The following COPS5 variants were observed in gnomAD, a reference collection of about 807,000 sequenced individuals.
COPS5 encodes the protein COP9 signalosome subunit 5.
Under a neutral mutation model 44.4 loss-of-function variants are expected in COPS5, and 8 were observed. The observed-to-expected ratio is 0.18, with a 90% confidence interval of 0.11 to 0.32. The LOEUF (loss-of-function observed/expected upper bound fraction) is 0.32, where lower values mean the gene tolerates loss of function less well. Among genes scored for constraint, COPS5 ranks in the 10% least tolerant of loss-of-function variants. The pLI, the probability that COPS5 is intolerant of heterozygous loss-of-function variation, is 1.00. For synonymous variants in COPS5, 122 were observed against 142.8 expected, an observed-to-expected ratio of 0.85 and a Z score of 1.04; for missense variants, 159 against 406.4, an observed-to-expected ratio of 0.39 and a Z score of 5.23.
At chr8:67,058,296 T>C (rs1804540142) in intron 2 of COPS5, 85 bp from the exon 3 acceptor site, 1 of 1,345,822 alleles carries the variant, frequency 7.4e-7, no homozygotes, top group Admixed American at 2.1e-5. Context: ...ACCAGTCTCC[T>C]TCCCATCTCC....
intron 4 of COPS5, among the ~76,000 whole-genome samples, chr8:67,056,824 TC>T (rs1228844468): frequency 3.3e-5 from 5 of 151,134 alleles, no homozygotes; most frequent in East Asian, 3.9e-4. Flanking sequence ...GTTTCTACTT[TC>T]CCCCCACCCA....
chr8:67,045,670 A>C lies in COPS5; in HGVS notation c.920+142T>G, dbSNP rs572038856. ...TAAAACTTGTGTCTGACAACTCCTAAAGTTTCCAAGAAGTTAATATTCAGG... is the reference window on the plus strand; with the variant it reads ...TAAAACTTGTGTCTGACAACTCCTACAGTTTCCAAGAAGTTAATATTCAGG... On this transcript the variant is annotated intron_variant, in intron 7 of 7. Transcript: ENST00000357849. 30 of 828,624 alleles carry C rather than the reference A, an allele frequency of 3.6e-5. No individual in the cohort carries two copies. The East Asian group carries it at 7.1e-4, about 20-fold the overall frequency. The allele number at this position is 828,624 out of a possible 1,614,324, so 51.3% of individuals were successfully genotyped here.
intron 1 of COPS5, chr8:67,060,137 C>G (rs1393670613): frequency 5.4e-6 from 1 of 184,338 alleles, no homozygotes; most frequent in African/African-American, 2.4e-5. Context: ...TAAAAAGTAG[C>G]CCTAATATCC....
rs559406207 is a variant in COPS5, at chr8:67,050,127, G to A, written c.771+1103C>T. 9.1e-4 allele frequency among the ~76,000 whole-genome samples: 138 copies of A among 151,128 alleles called. 3 individuals carry two copies. In the South Asian group the frequency reaches 0.026, roughly 29 times the overall value. ...TGCCATTCTCCTGCCTCAGCCTCCC[G>A]CGCAGCTGGGACTACAGGCGCCCAC... On this transcript the variant is annotated intron_variant, in intron 6 of 7. Coordinates refer to ENST00000357849, the MANE Select transcript of COPS5 (RefSeq NM_006837.3).
At chr8:67,058,047 T>C (rs762228475) in intron 3 of COPS5, 36 bp downstream of exon 3, 3 of 1,607,260 alleles carry the variant, frequency 1.9e-6, no homozygotes, top group Middle Eastern at 3.3e-4. Flanking sequence ...CAAATCTTCA[T>C]AAAGAACTTA....
chr8:67,057,406 G>T lies in COPS5; in HGVS notation c.547C>A (p.Leu183Ile). The stretch of plus-strand genomic sequence containing the variant: ...TTTGGGTATGTCCTAAAGGCGCCAA[G>T]ATTCACTTTCCCTGCGGATATTGTT... ...TRTISAGKVN[L>I]GAFRTYPKGY... Residue 183 changes from leucine (L) to isoleucine (I), a missense_variant, in exon 4 of 8, where the codon CTT becomes ATT. This residue lies in a region of COPS5 where 134 missense variants were observed against 376.7 expected (regional missense o/e 0.36). Transcript: ENST00000357849. 6.2e-7 allele frequency: 1 copy of T among 1,609,732 alleles called. No homozygotes were observed. The highest frequency in any genetic ancestry group is 1.1e-5 in the South Asian group (1 of 90,468).
chr8:67,055,215 G>C (rs1250373191), intron 5 of COPS5, among the ~76,000 whole-genome samples: 1 of 152,240 alleles, frequency 6.6e-6, no homozygotes, highest in Non-Finnish European at 1.5e-5. Flanking sequence ...TAGGACATGA[G>C]CTCACAGAGG....
Position 67,059,321 on chromosome 8 carries a change from T to C in COPS5, c.268A>G (p.Met90Val). ...LMLGKVDGET[M>V]IIMDSFALPV... ...AAAGCAAAACTGTCCATAATGATCA[T>C]GGTTTCACCATCCACCTTTCCTAGC... The change falls in exon 2 of 8, where the codon ATG (methionine) becomes GTG (valine). Residue 90 changes from methionine (M) to valine (V), a missense_variant. Coordinates refer to ENST00000357849, the MANE Select transcript of COPS5 (RefSeq NM_006837.3). 6.2e-7 allele frequency: 1 copy of C among 1,614,234 alleles called. No individual in the cohort carries two copies. The highest frequency in any genetic ancestry group is 8.5e-7 in the Non-Finnish European group (1 of 1,180,042).
At chr8:67,060,555 A>G (rs1167472064) in intron 1 of COPS5, 2 of 1,257,176 alleles carry the variant, frequency 1.6e-6, no homozygotes, top group Non-Finnish European at 2.1e-6. Flanking sequence ...ACTGGAGAAA[A>G]GAAGAAAGAC....
At chr8:67,054,573 A>G (rs1804469917) in intron 5 of COPS5, among the ~76,000 whole-genome samples, 1 of 152,218 alleles carries the variant, frequency 6.6e-6, no homozygotes, top group African/African-American at 2.4e-5. Context: ...ACCAAAAAAA[A>G]GGAAGAAAAG....
intron 6 of COPS5, among the ~76,000 whole-genome samples, chr8:67,050,766 AG>A (rs1443689613): frequency 1.8e-4 from 24 of 130,870 alleles, no homozygotes; most frequent in Admixed American, 1.7e-3. Context: ...GCTAAGAGAA[AG>A]AAAAAAAAAA....
In COPS5 at chr8:67,050,614, A is replaced by AGTGTGTGTGT. The variant is rs5892073; in HGVS notation, c.771+606_771+615dup. On this transcript the variant is annotated intron_variant, in intron 6 of 7. Coordinates refer to ENST00000357849, the MANE Select transcript of COPS5 (RefSeq NM_006837.3). Reference sequence around the variant, plus strand: ...TGACCTGGAAATATGTGAGTGTGAGAGTGTGTGTGTGTGTGTGTGTGTGTG... The same window carrying AGTGTGTGTGT: ...TGACCTGGAAATATGTGAGTGTGAGAGTGTGTGTGTGTGTGTGTGTGTGTGTGTGTGTGTG... 8.5e-3 allele frequency among the ~76,000 whole-genome samples: 1,196 copies of AGTGTGTGTGT among 141,138 alleles called. 23 individuals carry two copies. The highest frequency in any genetic ancestry group is 0.03 in the African/African-American group (1,148 of 38,214). The allele number at this position is 141,138 out of a possible 152,430, so 92.6% of individuals were successfully genotyped here. A position where few individuals can be genotyped will look rare whatever the true frequency, so the allele number is the denominator to read the frequency against.
chr8:67,057,575 C>CA (rs1804531963), intron 3 of COPS5, 130 bp from the exon 4 acceptor site: 1 of 497,714 alleles, frequency 2.0e-6, no homozygotes, highest in Non-Finnish European at 3.4e-6. Context: ...AAGAATAAAC[C>CA]AAAAAACCAT....
At chr8:67,047,298 T>C (rs1306567293) in intron 6 of COPS5, among the ~76,000 whole-genome samples, 1 of 152,212 alleles carries the variant, frequency 6.6e-6, no homozygotes, top group Non-Finnish European at 1.5e-5. Context: ...GTTCTTCCAA[T>C]GATTTTTACA....
chr8:67,050,614 A>AGTGTGTGT (rs5892073), intron 6 of COPS5, among the ~76,000 whole-genome samples: 2,916 of 141,114 alleles, frequency 0.021, 134 homozygotes, highest in African/African-American at 0.071. Context: ...TGAGTGTGAG[A>AGTGTGTGT]GTGTGTGTGT....
chr8:67,058,335 C>G, intron 2 of COPS5, 124 bp from the exon 3 acceptor site: 1 of 890,844 alleles, frequency 1.1e-6, no homozygotes, highest in Non-Finnish European at 1.7e-6. Flanking sequence ...TTTTCTCAGC[C>G]CAGATGCGAA....
At chr8:67,045,574 C>T (rs879325980) in intron 7 of COPS5, 16 of 495,736 alleles carry the variant, frequency 3.2e-5, no homozygotes, top group African/African-American at 1.5e-4. Context: ...GGGAGTGTTC[C>T]GTAACACTGC....
rs866725884 is a variant in COPS5, at chr8:67,061,951, C to T, written c.46G>A (p.Ala16Thr). 8 of 1,614,122 alleles carry T rather than the reference C, an allele frequency of 5.0e-6. No homozygotes were observed. The highest frequency in any genetic ancestry group is 6.8e-6 in the Non-Finnish European group (8 of 1,180,056). ...CTCTGAGCTTCCTGCATGTTGTTGG[C>T]CAGTTCCCAGGTTTTCTGGGCCATA... ...SGMAQKTWEL[A>T]NNMQEAQSID... Residue 16 changes from alanine (A) to threonine (T), a missense_variant, in exon 1 of 8, where the codon GCC becomes ACC. Transcript: ENST00000357849.
intron 1 of COPS5, 83 bp downstream of exon 1, chr8:67,061,771 C>CAA: frequency 7.2e-7 from 1 of 1,392,170 alleles, no homozygotes; most frequent in Non-Finnish European, 1.0e-6. Flanking sequence ...AAGCTCTTCA[C>CAA]CCCTTTCACC....
Sources: gnomAD v4.1 joint callset for allele counts (sites outside exome capture counted in the v4.1 genomes callset) on GRCh38, gnomAD v4.1.1 for gene constraint, gnomAD v4.1.1 regional missense constraint, MANE v1.5 for transcripts, NCBI Gene and HGNC (gene_info 2026-07-23, HGNC 2026-07-21) for gene names.